Variants in ACSM2B observed in about 807,000 individuals in gnomAD.
ACSM2B encodes acyl-CoA synthetase medium chain family member 2B.
In ACSM2B, 58 loss-of-function variants were observed where a neutral mutation model predicts 78.6. That is an observed-to-expected ratio of 0.74 (90% CI 0.60 to 0.92). The LOEUF is 0.92. ACSM2B is among the 40% of genes least tolerant of loss of function. The probability of loss-of-function intolerance (pLI) is 0.00; values close to 1 mark genes in which losing one functional copy is unlikely to be tolerated. For synonymous variants in ACSM2B, 257 were observed against 256.8 expected (o/e 1.00, Z -0.01); for missense variants, 688 against 711.2 (o/e 0.97, Z 0.37).
chr16:20,554,138 T>C (rs1446002799), intron 4 of ACSM2B: 1 of 722,338 alleles, frequency 1.4e-6, no homozygotes, highest in African/African-American at 1.7e-5. Context: ...CAATGCAACC[T>C]TAAACTACTT....
At chr16:20,564,996 C>G in intron 1 of ACSM2B, 143 bp from the exon 2 acceptor site, 1 of 1,222,836 alleles carries the variant, frequency 8.2e-7, no homozygotes, top group Non-Finnish European at 1.1e-6. Context: ...AATTGGCACT[C>G]TGCATCTGTT....
rs1567218289 is a variant in ACSM2B, at chr16:20,566,687, T to TATGTA, written c.-8-1835_-8-1834insTACAT. 5.2e-3 allele frequency among the ~76,000 whole-genome samples: 23 copies of TATGTA among 4,464 alleles called. 1 individual carries two copies. Among genetic ancestry groups the TATGTA allele is most frequent in the African/African-American group, 0.013 (23 of 1,770 alleles). The allele number at this position is 4,464 out of a possible 152,430, so 2.9% of individuals were successfully genotyped here. Reference sequence around the variant, plus strand: ...ATATATAGTATATACATATAGTATATACTATATATAGTATATATATAGTAT... The same window carrying TATGTA: ...ATATATAGTATATACATATAGTATATATGTAACTATATATAGTATATATATAGTAT... On this transcript the variant is annotated intron_variant, in intron 1 of 13. Coordinates refer to ENST00000329697, the MANE Select transcript of ACSM2B (RefSeq NM_001105069.2).
At chr16:20,554,924 C>A (rs1395503374) in intron 4 of ACSM2B, among the ~76,000 whole-genome samples, 4 of 152,232 alleles carry the variant, frequency 2.6e-5, no homozygotes, top group African/African-American at 7.2e-5. Context: ...ACTCTTCACG[C>A]ATGAGTGCGC....
At chr16:20,570,637 A>G (rs1218889314) in intron 1 of ACSM2B, among the ~76,000 whole-genome samples, 1 of 151,810 alleles carries the variant, frequency 6.6e-6, no homozygotes, top group Non-Finnish European at 1.5e-5. Context: ...GATTGGTACC[A>G]ATTCTTCTTT....
rs1873877105 is a variant in ACSM2B at position 20,548,619 on chromosome 16, A to G, written c.895-146T>C. The G allele has an allele frequency of 1.9e-6, 3 of 1,541,480 alleles. No individual in the cohort carries two copies. The South Asian group carries it at 3.6e-5, about 19-fold the overall frequency. The stretch of plus-strand genomic sequence containing the variant: ...GTTTACTATGTCTGATTCAAGTTAA[A>G]TGAGCCCCACAACTCTCATGCACCC... On this transcript the variant is annotated intron_variant, in intron 6 of 13. Coordinates refer to ENST00000329697, the MANE Select transcript of ACSM2B (RefSeq NM_001105069.2).
intron 8 of ACSM2B, 140 bp downstream of exon 8, chr16:20,547,922 G>A: frequency 1.3e-6 from 2 of 1,520,648 alleles, no homozygotes; most frequent in East Asian, 2.3e-5. Context: ...TCAATACTCA[G>A]TACCTGTCCC....
rs773941938 is a variant in ACSM2B at position 20,545,245 on chromosome 16, T to C, written c.1193A>G (p.Lys398Arg). The stretch of plus-strand genomic sequence containing the variant: ...TGTGCCGGGGGGCAGGACGTTGCCC[T>C]TATCATCTATAACCTGGAGAAAGAA... ...SCYDVQVIDD[K>R]GNVLPPGTEG... Residue 398 changes from lysine (K) to arginine (R), a missense_variant, in exon 10 of 14, where the codon AAG (lysine) becomes AGG (arginine). Lys to Arg is a conservative substitution (Grantham distance 26, BLOSUM62 2). Transcript: ENST00000329697. The C allele has an allele frequency of 1.1e-5, 18 of 1,613,374 alleles. No homozygotes were observed. The highest frequency in any genetic ancestry group is 1.5e-5 in the Non-Finnish European group (18 of 1,179,628).
rs956048491 is a variant in ACSM2B, at chr16:20,547,900, T to G, written c.1098+162A>C. On this transcript the variant is annotated intron_variant, in intron 8 of 13. Transcript: ENST00000329697. ...AACAGGAACTTTGCCTTTTTTGTTCTGTGCTGAATTTTCAATACTCAGTAC... is the reference window on the plus strand; with the variant it reads ...AACAGGAACTTTGCCTTTTTTGTTCGGTGCTGAATTTTCAATACTCAGTAC... 2.7e-6 allele frequency: 4 copies of G among 1,464,728 alleles called. No individual in the cohort carries two copies. In the African/African-American group the frequency reaches 5.7e-5, roughly 21 times the overall value. The allele number at this position is 1,464,728 out of a possible 1,614,324, so 90.7% of individuals were successfully genotyped here.
In ACSM2B at chr16:20,566,625, C is replaced by G. The variant is rs1196107964; in HGVS notation, c.-8-1772G>C. 4.1e-4 allele frequency among the ~76,000 whole-genome samples: 24 copies of G among 58,188 alleles called. 2 individuals carry two copies. Among genetic ancestry groups the G allele is most frequent in the Middle Eastern group, 0.017 (1 of 58 alleles). 38.2% of individuals were successfully genotyped at this position (58,188 alleles called of 152,430 possible). On this transcript the variant is annotated intron_variant, in intron 1 of 13. Coordinates refer to ENST00000329697, the MANE Select transcript of ACSM2B (RefSeq NM_001105069.2). The stretch of plus-strand genomic sequence containing the variant: ...TATATATCTACATATAGTATATATA[C>G]TATATATAGTATATATATACTATAC...
intron 1 of ACSM2B, among the ~76,000 whole-genome samples, chr16:20,566,894 C>T (rs1435245313): frequency 8.0e-6 from 1 of 124,676 alleles, no homozygotes; most frequent in Non-Finnish European, 1.6e-5. Context: ...ATATATGATA[C>T]ACATTATATA....
intron 5 of ACSM2B, among the ~76,000 whole-genome samples, chr16:20,552,846 A>G (rs1464538703): frequency 2.0e-5 from 3 of 152,198 alleles, no homozygotes; most frequent in Non-Finnish European, 4.4e-5. Flanking sequence ...GACATGAACA[A>G]CTTCCTTGTG....
chr16:20,552,511 G>A lies in ACSM2B; in HGVS notation c.741-214C>T, dbSNP rs544980931. On this transcript the variant is annotated intron_variant, in intron 5 of 13. Transcript: ENST00000329697. ...TGCATTGATAGGAGATGAATGTTCG[G>A]AAGGTGGGACCCCAGTTGACATGAC... Among the ~76,000 whole-genome samples, 100 of 152,202 alleles carry A rather than the reference G, an allele frequency of 6.6e-4. 1 individual carries two copies. Among genetic ancestry groups the A allele is most frequent in the Non-Finnish European group, 1.1e-3 (78 of 68,010 alleles).
At chr16:20,566,625 CTATA>C (rs1247867703) in intron 1 of ACSM2B, among the ~76,000 whole-genome samples, 32 of 58,166 alleles carry the variant, frequency 5.5e-4, no homozygotes, top group African/African-American at 2.7e-3. Context: ...AGTATATATA[CTATA>C]TATAGTATAT....
intron 2 of ACSM2B, among the ~76,000 whole-genome samples, chr16:20,561,214 G>A (rs2015645663): frequency 1.3e-5 from 2 of 152,016 alleles, no homozygotes; most frequent in Admixed American, 6.5e-5. Context: ...TTTATATAAG[G>A]TACTATATTA....
rs1567218184 is a variant in ACSM2B at position 20,566,660 on chromosome 16, G to GTATATATATACTATATATAC, written c.-8-1808_-8-1807insGTATATATAGTATATATATA. Among the ~76,000 whole-genome samples, 22 of 6,964 alleles carry GTATATATATACTATATATAC rather than the reference G, an allele frequency of 3.2e-3. 2 individuals carry two copies. Among genetic ancestry groups the GTATATATATACTATATATAC allele is most frequent in the African/African-American group, 0.01 (22 of 2,140 alleles). The allele number at this position is 6,964 out of a possible 152,430, so 4.6% of individuals were successfully genotyped here. A position where few individuals can be genotyped will look rare whatever the true frequency, so the allele number is the denominator to read the frequency against. ...TATATATATACTATACTATATATATGTATATATAGTATATACATATAGTAT... is the reference window on the plus strand; with the variant it reads ...TATATATATACTATACTATATATATGTATATATATACTATATATACTATATATAGTATATACATATAGTAT... On this transcript the variant is annotated intron_variant, in intron 1 of 13. Coordinates refer to ENST00000329697, the MANE Select transcript of ACSM2B (RefSeq NM_001105069.2).
At chr16:20,568,787 G>A (rs1267341664) in intron 1 of ACSM2B, among the ~76,000 whole-genome samples, 1 of 151,850 alleles carries the variant, frequency 6.6e-6, no homozygotes, top group Non-Finnish European at 1.5e-5. Context: ...GTATAGCATT[G>A]TGGTTTTGAT....
At position 20,542,951 on chromosome 16, in the gene ACSM2B, G is replaced by C. The variant is rs370065320; in HGVS notation, c.1472C>G (p.Thr491Arg). The C allele has an allele frequency of 3.1e-6, 5 of 1,613,578 alleles. No homozygotes were observed. The highest frequency in any genetic ancestry group is 4.2e-6 in the Non-Finnish European group (5 of 1,179,860). Residue 491 changes from threonine to arginine, a missense_variant, in exon 12 of 14, where the codon ACG (threonine) becomes AGG (arginine). By Grantham distance (71) the Thr-to-Arg change is moderately conservative. Coordinates refer to ENST00000329697, the MANE Select transcript of ACSM2B (RefSeq NM_001105069.2). ...GGGGTCTGGGCTGCTGATCACAGCC[G>C]TCTCAACCACAGCAGGGTGCTTCAT... ...ALMKHPAVVETAVISSPDPVR... is the reference protein window; with the variant it reads ...ALMKHPAVVERAVISSPDPVR...
intron 6 of ACSM2B, among the ~76,000 whole-genome samples, chr16:20,550,622 C>T (rs1193988166): frequency 6.6e-6 from 1 of 152,066 alleles, no homozygotes; most frequent in Non-Finnish European, 1.5e-5. Context: ...CAGACCACAC[C>T]TGGCTTTTTG....
intron 13 of ACSM2B, among the ~76,000 whole-genome samples, chr16:20,540,250 G>GGT (rs1555456784): frequency 1.4e-5 from 2 of 143,500 alleles, no homozygotes; most frequent in Non-Finnish European, 1.5e-5. Flanking sequence ...TGTTTGTTTG[G>GGT]TTTTTTTTTT....
Sources: gnomAD v4.1 joint callset for allele counts (sites outside exome capture counted in the v4.1 genomes callset) on GRCh38, gnomAD v4.1.1 for gene constraint, MANE v1.5 for transcripts, NCBI Gene and HGNC (gene_info 2026-07-23, HGNC 2026-07-21) for gene names.